FGF11: variants seen among roughly 807,000 people sequenced by gnomAD.
FGF11 encodes the protein fibroblast growth factor homologous factor 3.
Under a neutral mutation model 25.1 loss-of-function variants are expected in FGF11, and 25 were observed. That is an observed-to-expected ratio of 1.00 (90% confidence interval 0.73 to 1.39). The LOEUF is 1.39. FGF11 is among the 40% of genes most tolerant of loss of function. The pLI, the probability that FGF11 is intolerant of heterozygous loss-of-function variation, is 0.00. For missense variants in FGF11, 320 were observed against 311.0 expected, an observed-to-expected ratio of 1.03 and a Z score of -0.22; for synonymous variants, 130 against 128.9, an observed-to-expected ratio of 1.01 and a Z score of -0.06.
Position 7,440,183 on chromosome 17 carries a change from T to A in FGF11, c.193+370T>A. The stretch of plus-strand genomic sequence containing the variant: ...AGGGGCCCGGGGGTTTCCAGATGCC[T>A]GGGTCACCCCAAGGATTTCTGCAGC... On this transcript the variant is annotated intron_variant, in intron 1 of 4. Coordinates refer to ENST00000293829, the MANE Select transcript of FGF11 (RefSeq NM_004112.4). The surrounding 1 kb of genome is among the most constrained non-coding windows in gnomAD (Gnocchi z 5.4). The A allele has an allele frequency of 5.3e-6, 1 of 188,116 alleles. No individual in the cohort carries two copies. The highest frequency in any genetic ancestry group is 1.1e-5 in the Non-Finnish European group (1 of 92,290). 11.7% of individuals were successfully genotyped at this position (188,116 alleles called of 1,614,324 possible). A position where few individuals can be genotyped will look rare whatever the true frequency, so the allele number is the denominator to read the frequency against.
At chr17:7,441,033 C>A in intron 1 of FGF11, 1 of 846,822 alleles carries the variant, frequency 1.2e-6, no homozygotes. Flanking sequence ...CCCAGTCCCA[C>A]CCCCACTCCT....
chr17:7,439,906 G>T, intron 1 of FGF11, 93 bp downstream of exon 1: 1 of 1,128,906 alleles, frequency 8.9e-7, no homozygotes, highest in Non-Finnish European at 1.2e-6. Flanking sequence ...CCGGCTGAGG[G>T]GCTCCCCGAA....
At chr17:7,439,418 C>T, upstream of FGF11, 1 of 470,774 alleles carries the variant, frequency 2.1e-6, no homozygotes, top group Non-Finnish European at 3.6e-6. Context: ...GTGGAGCCAG[C>T]ACTGGGCCCA....
rs776146460 is a variant in FGF11, at chr17:7,442,727, T to C, written c.542T>C (p.Val181Ala). The change falls in exon 4 of 5, where the codon GTC becomes GCC. Residue 181 changes from valine (V) to alanine (A), a missense_variant. By Grantham distance (64) the Val-to-Ala change is moderately conservative. Coordinates refer to ENST00000293829, the MANE Select transcript of FGF11 (RefSeq NM_004112.4). ...CTCGGCCTGGACAAGGAGGGCCAGG[T>C]CATGAAGGGAAACCGAGTTAAGAAG... is the stretch of plus-strand genomic sequence containing the variant. ...WYLGLDKEGQ[V>A]MKGNRVKKTK... The C allele has an allele frequency of 1.2e-6, 2 of 1,613,998 alleles. No individual in the cohort carries two copies. The highest frequency in any genetic ancestry group is 1.7e-6 in the Non-Finnish European group (2 of 1,179,940).
In FGF11 at chr17:7,439,656, G is replaced by T; in HGVS notation, c.36G>T (p.Lys12Asn). The T allele has an allele frequency of 6.6e-7, 1 of 1,515,638 alleles. No individual in the cohort carries two copies. 93.9% of individuals were successfully genotyped at this position (1,515,638 alleles called of 1,614,324 possible). Residue 12 changes from lysine to asparagine, a missense_variant, in exon 1 of 5, where the codon AAG (lysine) becomes AAT (asparagine). Coordinates refer to ENST00000293829, the MANE Select transcript of FGF11 (RefSeq NM_004112.4). ...AALASSLIRQ[K>N]REVREPGGSR... ...TGGCCAGTAGCCTGATCCGGCAGAA[G>T]CGGGAGGTCCGCGAGCCCGGGGGCA...
At position 7,443,364 on chromosome 17, in the gene FGF11, G is replaced by A. The variant is rs767357819; in HGVS notation, c.*218G>A. 1.8e-5 allele frequency: 9 copies of A among 504,460 alleles called. No homozygotes were observed. Among genetic ancestry groups the A allele is most frequent in the Admixed American group, 3.7e-5 (1 of 26,858 alleles). The allele number at this position is 504,460 out of a possible 1,614,324, so 31.2% of individuals were successfully genotyped here. On this transcript the variant is annotated 3_prime_UTR_variant, in exon 5 of 5. Transcript: ENST00000293829. Reference sequence around the variant, plus strand: ...TGGGCCTAGGAGGGAGTCAGAGAGGGGGATGTCTGAAGATGGTCCTGGCTG... The same window carrying A: ...TGGGCCTAGGAGGGAGTCAGAGAGGAGGATGTCTGAAGATGGTCCTGGCTG...
Position 7,439,804 on chromosome 17 carries a change from C to A in FGF11, c.184C>A (p.Arg62Ser), listed in dbSNP as rs947793619. ...LCGGRPARPD[R>S]GPEPQLKGIV... ...CGGGGGGCGGCCCGCGCGGCCGGAC[C>A]GCGGCCCGGGTGAGTGCGGCTGGGG... The change falls in exon 1 of 5, where the codon CGC (arginine) becomes AGC (serine). Residue 62 changes from arginine to serine, a missense_variant. Physicochemically the swap from Arg to Ser is moderately radical, Grantham distance 110 (BLOSUM62 -1). Transcript: ENST00000293829. 6.9e-7 allele frequency: 1 copy of A among 1,441,142 alleles called. No homozygotes were observed. The highest frequency in any genetic ancestry group is 1.5e-5 in the South Asian group (1 of 66,810). 89.3% of individuals were successfully genotyped at this position (1,441,142 alleles called of 1,614,324 possible). A position where few individuals can be genotyped will look rare whatever the true frequency, so the allele number is the denominator to read the frequency against.
Position 7,442,597 on chromosome 17 carries a change from C to T in FGF11, c.412C>T (p.His138Tyr). 2 of 1,614,196 alleles carry T rather than the reference C, an allele frequency of 1.2e-6. No homozygotes were observed. Among genetic ancestry groups the T allele is most frequent in the South Asian group, 2.2e-5 (2 of 91,072 alleles). ...NAEGLLYSSP[H>Y]FTAECRFKEC... ...TTCTGGGTCTTTGTCTCCTTAGCCG[C>T]ATTTCACAGCTGAGTGTCGCTTTAA... Residue 138 changes from histidine to tyrosine, a missense_variant, in exon 4 of 5, where the codon CAT (histidine) becomes TAT (tyrosine). Physicochemically the swap from His to Tyr is moderately conservative, Grantham distance 83 (BLOSUM62 2). Coordinates refer to ENST00000293829, the MANE Select transcript of FGF11 (RefSeq NM_004112.4).
intron 3 of FGF11, 184 bp downstream of exon 3, chr17:7,442,063 C>T: frequency 3.7e-6 from 2 of 545,328 alleles, no homozygotes; most frequent in East Asian, 3.0e-5. Flanking sequence ...TCTCCAGTCC[C>T]CACTCCTTGC....
chr17:7,439,812 G>T lies in FGF11; in HGVS notation c.192G>T (p.Pro64=). 1 of 1,429,234 alleles carries T rather than the reference G, an allele frequency of 7.0e-7. No homozygotes were observed. Among genetic ancestry groups the T allele is most frequent in the Non-Finnish European group, 9.1e-7 (1 of 1,097,552 alleles). The allele number at this position is 1,429,234 out of a possible 1,614,324, so 88.5% of individuals were successfully genotyped here. A position where few individuals can be genotyped will look rare whatever the true frequency, so the allele number is the denominator to read the frequency against. The change falls in exon 1 of 5, where the codon CCG becomes CCT. Residue 64 remains proline (P), a splice_region_variant and synonymous_variant. Transcript: ENST00000293829. ...GGCCCGCGCGGCCGGACCGCGGCCC[G>T]GGTGAGTGCGGCTGGGGCGGGGTCT... ...GGRPARPDRG[P]EPQLKGIVTK... is the part of the protein sequence containing the mutation.
rs372945397 is a variant in FGF11, at chr17:7,441,431, C to A, written c.194-40C>A. On this transcript the variant is annotated intron_variant, in intron 1 of 4. Coordinates refer to ENST00000293829, the MANE Select transcript of FGF11 (RefSeq NM_004112.4). The stretch of plus-strand genomic sequence containing the variant: ...CCAAGTGTAGGAATGTTTCTGGGAA[C>A]GGAGATGTCATTTTCAAAGATGAAT... 4 of 1,612,116 alleles carry A rather than the reference C, an allele frequency of 2.5e-6. No homozygotes were observed. In the African/African-American group the frequency reaches 4.0e-5, roughly 16 times the overall value.
Position 7,439,755 on chromosome 17 carries a change from C to G in FGF11, c.135C>G (p.Ile45Met). ...TKSLCQKQLL[I>M]LLSKVRLCGG... ...CCCTTTGCCAGAAGCAGCTCCTCAT[C>G]CTGCTGTCCAAGGTGCGACTGTGCG... The change falls in exon 1 of 5, where the codon ATC becomes ATG. Residue 45 changes from isoleucine to methionine, a missense_variant. Ile to Met is a conservative substitution (Grantham distance 10, BLOSUM62 1). Coordinates refer to ENST00000293829, the MANE Select transcript of FGF11 (RefSeq NM_004112.4). 1 of 1,564,682 alleles carries G rather than the reference C, an allele frequency of 6.4e-7. No homozygotes were observed. The highest frequency in any genetic ancestry group is 1.2e-5 in the South Asian group (1 of 85,004).
rs1472088933 is a variant in FGF11 at position 7,443,402 on chromosome 17, T to C, written c.*256T>C. 1 of 441,146 alleles carries C rather than the reference T, an allele frequency of 2.3e-6. No individual in the cohort carries two copies. The highest frequency in any genetic ancestry group is 4.0e-6 in the Non-Finnish European group (1 of 248,602). 27.3% of individuals were successfully genotyped at this position (441,146 alleles called of 1,614,324 possible). ...ATGGTCCTGGCTGATCACTTCTTTCTTTCCACACTCACACAACGCCATGCC... is the reference window on the plus strand; with the variant it reads ...ATGGTCCTGGCTGATCACTTCTTTCCTTCCACACTCACACAACGCCATGCC... On this transcript the variant is annotated 3_prime_UTR_variant, in exon 5 of 5. Coordinates refer to ENST00000293829, the MANE Select transcript of FGF11 (RefSeq NM_004112.4).
rs3838886 is a variant in FGF11 at position 7,440,220 on chromosome 17, G to GCC, written c.193+415_193+416dup. The GCC allele has an allele frequency of 5.1e-5, 8 of 155,836 alleles. No individual in the cohort carries two copies. Among genetic ancestry groups the GCC allele is most frequent in the East Asian group, 3.7e-4 (2 of 5,442 alleles). 9.7% of individuals were successfully genotyped at this position (155,836 alleles called of 1,614,324 possible). On this transcript the variant is annotated intron_variant, in intron 1 of 4. Coordinates refer to ENST00000293829, the MANE Select transcript of FGF11 (RefSeq NM_004112.4). The surrounding 1 kb of genome is among the most constrained non-coding windows in gnomAD (Gnocchi z 5.4). ...AGGATTTCTGCAGCTCCAGCCGCAC[G>GCC]CCCCCCCCCAGCCCCCGCCTGCCCC...
chr17:7,442,595 C>G lies in FGF11; in HGVS notation c.410C>G (p.Pro137Arg), dbSNP rs777240470. 1.2e-6 allele frequency: 2 copies of G among 1,614,160 alleles called. No homozygotes were observed. The highest frequency in any genetic ancestry group is 1.7e-5 in the Admixed American group (1 of 60,020). Residue 137 changes from proline to arginine, a missense_variant and splice_region_variant, in exon 4 of 5, where the codon CCG becomes CGG. Coordinates refer to ENST00000293829, the MANE Select transcript of FGF11 (RefSeq NM_004112.4). Reference protein sequence around the residue: ...MNAEGLLYSSPHFTAECRFKE... With the variant: ...MNAEGLLYSSRHFTAECRFKE... Reference sequence around the variant, plus strand: ...CTTTCTGGGTCTTTGTCTCCTTAGCCGCATTTCACAGCTGAGTGTCGCTTT... The same window carrying G: ...CTTTCTGGGTCTTTGTCTCCTTAGCGGCATTTCACAGCTGAGTGTCGCTTT...
Position 7,442,642 on chromosome 17 carries a change from T to A in FGF11, c.457T>A (p.Tyr153Asn), listed in dbSNP as rs759897578. Reference sequence around the variant, plus strand: ...CTTTAAGGAGTGTGTCTTTGAGAATTACTACGTCCTGTACGCCTCTGCTCT... The same window carrying A: ...CTTTAAGGAGTGTGTCTTTGAGAATAACTACGTCCTGTACGCCTCTGCTCT... ...CRFKECVFEN[Y>N]YVLYASALYR... Residue 153 changes from tyrosine to asparagine, a missense_variant, in exon 4 of 5, where the codon TAC becomes AAC. Transcript: ENST00000293829. 2 of 1,614,220 alleles carry A rather than the reference T, an allele frequency of 1.2e-6. No individual in the cohort carries two copies. Among genetic ancestry groups the A allele is most frequent in the Non-Finnish European group, 1.7e-6 (2 of 1,180,052 alleles).
At position 7,440,764 on chromosome 17, in the gene FGF11, A is replaced by T; in HGVS notation, c.194-707A>T. 1.0e-6 allele frequency: 1 copy of T among 986,292 alleles called. No homozygotes were observed. The highest frequency in any genetic ancestry group is 1.2e-6 in the Non-Finnish European group (1 of 830,750). 61.1% of individuals were successfully genotyped at this position (986,292 alleles called of 1,614,324 possible). On this transcript the variant is annotated intron_variant, in intron 1 of 4. Coordinates refer to ENST00000293829, the MANE Select transcript of FGF11 (RefSeq NM_004112.4). This position sits in a 1 kb window ranked among gnomAD's most constrained non-coding sequence, Gnocchi z 5.4. The stretch of plus-strand genomic sequence containing the variant: ...ACCCTCTGAGTAGGACCGGGCCCCC[A>T]CGTGACTCAGCCTGCCTCTCCATCT...
chr17:7,443,117 G>C lies in FGF11; in HGVS notation c.649G>C (p.Ala217Pro), dbSNP rs938006101. ...QEPSLHSVPE[A>P]SPSSPPAP ...GCCTTCTCTCCACAGTGTCCCCGAGGCCTCCCCTTCCAGTCCCCCTGCCCC... is the reference window on the plus strand; with the variant it reads ...GCCTTCTCTCCACAGTGTCCCCGAGCCCTCCCCTTCCAGTCCCCCTGCCCC... Residue 217 changes from alanine to proline, a missense_variant, in exon 5 of 5, where the codon GCC (alanine) becomes CCC (proline). Coordinates refer to ENST00000293829, the MANE Select transcript of FGF11 (RefSeq NM_004112.4). 2.2e-5 allele frequency: 36 copies of C among 1,611,726 alleles called. No homozygotes were observed. Among genetic ancestry groups the C allele is most frequent in the Admixed American group, 5.0e-5 (3 of 59,850 alleles).
rs908750803 is a variant in FGF11, at chr17:7,439,772, G to A, written c.152G>A (p.Arg51Gln). The change falls in exon 1 of 5, where the codon CGA (arginine) becomes CAA (glutamine). Residue 51 changes from arginine (R) to glutamine (Q), a missense_variant. By Grantham distance (43) the Arg-to-Gln change is conservative. Transcript: ENST00000293829. The part of the protein sequence containing the change: ...KQLLILLSKV[R>Q]LCGGRPARPD... ...CTCCTCATCCTGCTGTCCAAGGTGCGACTGTGCGGGGGGCGGCCCGCGCGG... is the reference window on the plus strand; with the variant it reads ...CTCCTCATCCTGCTGTCCAAGGTGCAACTGTGCGGGGGGCGGCCCGCGCGG... 7 of 1,526,472 alleles carry A rather than the reference G, an allele frequency of 4.6e-6. No individual in the cohort carries two copies. In the Admixed American group the frequency reaches 6.7e-5, roughly 15 times the overall value. The allele number at this position is 1,526,472 out of a possible 1,614,324, so 94.6% of individuals were successfully genotyped here.
Sources: allele counts gnomAD v4.1 joint callset, GRCh38; gene constraint gnomAD v4.1.1; non-coding constraint Gnocchi (gnomAD v3.1); transcripts MANE v1.5; gene names NCBI Gene and HGNC (gene_info 2026-07-23, HGNC 2026-07-21).